The following UNC5C variants were observed in gnomAD, a reference collection of about 807,000 sequenced individuals.
The protein encoded by UNC5C is unc-5 netrin receptor C.
UNC5C carries 47 observed loss-of-function variants against 99.8 expected under a neutral mutation model. The observed-to-expected ratio is 0.47, with a 90% CI of 0.37 to 0.60. The LOEUF is 0.60. Ranked by LOEUF, UNC5C falls within the 20% of genes least tolerant of loss-of-function variation. The pLI is 0.00. For missense variants in UNC5C, 1,062 were observed against 1,165.9 expected, an observed-to-expected ratio of 0.91 and a Z score of 1.30; for synonymous variants, 487 against 452.2, an observed-to-expected ratio of 1.08 and a Z score of -0.98.
rs966302781 is a variant in UNC5C, at chr4:95,311,183, T to TA, written c.347-9435dup. Among the ~76,000 whole-genome samples, 24 of 151,762 alleles carry TA rather than the reference T, an allele frequency of 1.6e-4. No individual in the cohort carries two copies. In the East Asian group the frequency reaches 2.7e-3, roughly 17 times the overall value. On this transcript the variant is annotated intron_variant, in intron 2 of 15. Coordinates refer to ENST00000453304, the MANE Select transcript of UNC5C (RefSeq NM_003728.4). ...TTTAATTCTTTTTAACTTTGGTGAT[T>TA]AAAAAAAAATCTTTCAAATGTGTGC...
At chr4:95,327,123 C>G (rs1213908915) in intron 2 of UNC5C, among the ~76,000 whole-genome samples, 1 of 152,132 alleles carries the variant, frequency 6.6e-6, no homozygotes, top group Non-Finnish European at 1.5e-5. Context: ...CCCAACAATA[C>G]TACAGTCAGA....
chr4:95,219,100 A>T lies in UNC5C; in HGVS notation c.1514T>A (p.Met505Lys), dbSNP rs1299589013. Residue 505 changes from methionine to lysine, a missense_variant, in exon 9 of 16, where the codon ATG (methionine) becomes AAG (lysine). Met to Lys is a moderately conservative substitution (Grantham distance 95). Transcript: ENST00000453304. ...TTCATTCTCCAACAACGACTGGGTC[A>T]TCTGAGGGGACAGCTTGGACGTAAA... ...SEFTSKLSPQ[M>K]TQSLLENEAL... The T allele has an allele frequency of 6.2e-7, 1 of 1,614,166 alleles. No individual in the cohort carries two copies. The highest frequency in any genetic ancestry group is 1.6e-4 in the Middle Eastern group (1 of 6,062).
At chr4:95,424,766 GCCCTCCTTGGCCT>G (rs1560828035) in intron 1 of UNC5C, among the ~76,000 whole-genome samples, 5 of 151,726 alleles carry the variant, frequency 3.3e-5, no homozygotes, top group African/African-American at 9.7e-5. Context: ...CTCGTGATCC[GCCCTCCTTGGCCT>G]CCCAAAGTGC....
chr4:95,531,000 A>G (rs1314722646), intron 1 of UNC5C, among the ~76,000 whole-genome samples: 2 of 152,150 alleles, frequency 1.3e-5, no homozygotes, highest in Admixed American at 1.3e-4. Context: ...TCATAAATAA[A>G]CCTTTTAATA....
intron 1 of UNC5C, among the ~76,000 whole-genome samples, chr4:95,383,923 C>CT (rs1441427024): frequency 6.6e-6 from 1 of 152,140 alleles, no homozygotes; most frequent in Non-Finnish European, 1.5e-5. Flanking sequence ...ATGGTTTCCT[C>CT]TTCACATCAG....
chr4:95,186,969 A>T (rs1421261027), intron 12 of UNC5C, among the ~76,000 whole-genome samples: 1 of 152,134 alleles, frequency 6.6e-6, no homozygotes, highest in Non-Finnish European at 1.5e-5. Flanking sequence ...CTCCTCACAG[A>T]ACGTGGCACA....
intron 2 of UNC5C, among the ~76,000 whole-genome samples, chr4:95,316,976 A>AG (rs1318102405): frequency 1.9e-5 from 1 of 53,390 alleles, no homozygotes; most frequent in Non-Finnish European, 3.4e-5. Flanking sequence ...CTCACTGCTC[A>AG]GAAAAAAAAA....
chr4:95,240,945 T>A (rs530998554), intron 7 of UNC5C, among the ~76,000 whole-genome samples: 2 of 151,828 alleles, frequency 1.3e-5, no homozygotes, highest in South Asian at 2.1e-4. Context: ...ATATGCACAA[T>A]GGAAGTAGTA....
At chr4:95,289,861 A>C (rs1207972159) in intron 3 of UNC5C, among the ~76,000 whole-genome samples, 2 of 152,190 alleles carry the variant, frequency 1.3e-5, no homozygotes, top group Non-Finnish European at 2.9e-5. Flanking sequence ...TGCCTGACTT[A>C]ATGCCATAGA....
At chr4:95,329,187 G>T (rs1304065575) in intron 2 of UNC5C, among the ~76,000 whole-genome samples, 1 of 152,208 alleles carries the variant, frequency 6.6e-6, no homozygotes, top group African/African-American at 2.4e-5. Context: ...TATTTGGGAG[G>T]CTGAGGTGGG....
intron 1 of UNC5C, among the ~76,000 whole-genome samples, chr4:95,404,072 C>T (rs781028429): frequency 9.2e-5 from 14 of 152,080 alleles, no homozygotes; most frequent in Non-Finnish European, 1.5e-4. Flanking sequence ...TGAAAAGAAT[C>T]GCTTTTATTT....
At chr4:95,300,047 A>G (rs1741812106) in intron 3 of UNC5C, among the ~76,000 whole-genome samples, 1 of 152,194 alleles carries the variant, frequency 6.6e-6, no homozygotes, top group South Asian at 2.1e-4. Context: ...TAGAAGCAGG[A>G]TTGATGGGAC....
chr4:95,308,066 A>G (rs1742124229), intron 2 of UNC5C, among the ~76,000 whole-genome samples: 1 of 152,212 alleles, frequency 6.6e-6, no homozygotes, highest in African/African-American at 2.4e-5. Flanking sequence ...CAAGACAAGG[A>G]TGCCCACTCT....
At chr4:95,438,147 G>T (rs1469541466) in intron 1 of UNC5C, among the ~76,000 whole-genome samples, 1 of 152,008 alleles carries the variant, frequency 6.6e-6, no homozygotes, top group Non-Finnish European at 1.5e-5. Context: ...GTTGTTTGCT[G>T]TTGCTGTTGT....
chr4:95,533,466 A>T (rs1007889469), intron 1 of UNC5C, among the ~76,000 whole-genome samples: 1 of 151,898 alleles, frequency 6.6e-6, no homozygotes, highest in African/African-American at 2.4e-5. Context: ...TGATAAAATA[A>T]TTTTTATCAT....
At chr4:95,537,493 A>G (rs1352112174) in intron 1 of UNC5C, among the ~76,000 whole-genome samples, 1 of 152,176 alleles carries the variant, frequency 6.6e-6, no homozygotes, top group Admixed American at 6.5e-5. Flanking sequence ...TGTCTCCACA[A>G]TGGCTTCATA....
chr4:95,169,426 T>C (rs781527637), intron 15 of UNC5C, 27 bp from the exon 16 acceptor site: 8 of 1,610,760 alleles, frequency 5.0e-6, no homozygotes, highest in Non-Finnish European at 6.8e-6. Context: ...GAAAATGTGC[T>C]CAACAGTGTG....
chr4:95,469,258 C>T (rs1221990671), intron 1 of UNC5C, among the ~76,000 whole-genome samples: 1 of 152,164 alleles, frequency 6.6e-6, no homozygotes, highest in African/African-American at 2.4e-5. Flanking sequence ...AGTCTGGACA[C>T]TGTTGCCACC....
Position 95,475,002 on chromosome 4 carries a change from A to G in UNC5C, c.124+73732T>C, listed in dbSNP as rs1050139299. Among the ~76,000 whole-genome samples the G allele has an allele frequency of 3.3e-5, 5 of 152,170 alleles. No homozygotes were observed. In the East Asian group the frequency reaches 9.7e-4, roughly 30 times the overall value. On this transcript the variant is annotated intron_variant, in intron 1 of 15. Coordinates refer to ENST00000453304, the MANE Select transcript of UNC5C (RefSeq NM_003728.4). Reference sequence around the variant, plus strand: ...ACCCTATACCATCAAGCACGTTTATATTGATCTTCTCCCCTTGCTTGCACC... The same window carrying G: ...ACCCTATACCATCAAGCACGTTTATGTTGATCTTCTCCCCTTGCTTGCACC...
Sources: gnomAD v4.1 joint callset for allele counts (sites outside exome capture counted in the v4.1 genomes callset) on GRCh38, gnomAD v4.1.1 for gene constraint, MANE v1.5 for transcripts, NCBI Gene and HGNC (gene_info 2026-07-23, HGNC 2026-07-21) for gene names.